PPP1R12B: variants seen among roughly 807,000 people sequenced by gnomAD.
The protein encoded by PPP1R12B is protein phosphatase 1 regulatory subunit 12B, also known as myosin phosphatase target subunit 2.
Under a neutral mutation model 126.1 loss-of-function variants are expected in PPP1R12B, and 76 were observed. The observed-to-expected ratio is 0.60, with a 90% CI of 0.50 to 0.73. The LOEUF (loss-of-function observed/expected upper bound fraction) is 0.73, where lower values mean the gene tolerates loss of function less well. Among genes scored for constraint, PPP1R12B ranks in the 30% least tolerant of loss-of-function variants. PPP1R12B has a pLI of 0.00. For missense variants in PPP1R12B, 1,052 were observed against 1,205.1 expected, an observed-to-expected ratio of 0.87 and a Z score of 1.88; for synonymous variants, 356 against 434.7, an observed-to-expected ratio of 0.82 and a Z score of 2.25.
In PPP1R12B at chr1:202,431,548, C is replaced by G. The variant is rs1249654907; in HGVS notation, c.1070C>G (p.Ser357Cys). 2 of 1,613,392 alleles carry G rather than the reference C, an allele frequency of 1.2e-6. No individual in the cohort carries two copies. The part of the protein sequence containing the change: ...SQEMEEENKE[S>C]SSSSSEEEEG... The stretch of plus-strand genomic sequence containing the variant: ...GAAATGGAGGAAGAAAATAAAGAAT[C>G]TAGTAGCTCCAGCTCAGAGGAGGAG... The change falls in exon 8 of 24, where the codon TCT (serine) becomes TGT (cysteine). Residue 357 changes from serine to cysteine, a missense_variant. By Grantham distance (112) the Ser-to-Cys change is moderately radical. Transcript: ENST00000608999.
At chr1:202,416,334 C>T (rs1171083191) in intron 1 of PPP1R12B, among the ~76,000 whole-genome samples, 3 of 152,010 alleles carry the variant, frequency 2.0e-5, no homozygotes, top group Non-Finnish European at 4.4e-5. Flanking sequence ...CGAGACAAGC[C>T]TGACCAACAT....
Position 202,425,692 on chromosome 1 carries a change from T to C in PPP1R12B, c.668T>C (p.Val223Ala), listed in dbSNP as rs747441742. ...CGCTCAGGGGCTACAGCCCTTCATG[T>C]GGCTGCTGCCAAGGGCTACTCTGAA... ...QARSGATALH[V>A]AAAKGYSEVL... Residue 223 changes from valine to alanine, a missense_variant, in exon 4 of 24, where the codon GTG (valine) becomes GCG (alanine). Val to Ala is a moderately conservative substitution (Grantham distance 64). Coordinates refer to ENST00000608999, the MANE Select transcript of PPP1R12B (RefSeq NM_002481.4). 2 of 1,613,942 alleles carry C rather than the reference T, an allele frequency of 1.2e-6. No individual in the cohort carries two copies. Among genetic ancestry groups the C allele is most frequent in the South Asian group, 1.1e-5 (1 of 91,072 alleles).
chr1:202,400,954 A>G (rs1665733364), intron 1 of PPP1R12B, among the ~76,000 whole-genome samples: 2 of 152,238 alleles, frequency 1.3e-5, no homozygotes, highest in African/African-American at 4.8e-5. Context: ...TGTACAACCT[A>G]TAAGCTAAAA....
At chr1:202,452,832 C>T (rs1381638140) in intron 13 of PPP1R12B, among the ~76,000 whole-genome samples, 3 of 142,228 alleles carry the variant, frequency 2.1e-5, no homozygotes, top group African/African-American at 5.2e-5. Flanking sequence ...CTCTCTCTCT[C>T]TTTTTTTTTT....
At chr1:202,438,338 A>T (rs1671103389) in intron 10 of PPP1R12B, 1 of 1,164,496 alleles carries the variant, frequency 8.6e-7, no homozygotes, top group Admixed American at 2.1e-5. Context: ...GGAGGGGGGC[A>T]CAGGACCCCA....
intron 13 of PPP1R12B, among the ~76,000 whole-genome samples, chr1:202,450,221 A>G (rs1672772230): frequency 3.3e-5 from 5 of 152,246 alleles, no homozygotes. Flanking sequence ...GAAGAATACC[A>G]GAAAAAGAAA....
intron 13 of PPP1R12B, among the ~76,000 whole-genome samples, chr1:202,480,455 C>T (rs1677203910): frequency 6.6e-6 from 1 of 152,150 alleles, no homozygotes; most frequent in Non-Finnish European, 1.5e-5. Flanking sequence ...TCACAGAACA[C>T]CGTTTTTACT....
chr1:202,569,154 G>T lies in PPP1R12B; in HGVS notation c.2819G>T (p.Arg940Leu). The T allele has an allele frequency of 6.2e-7, 1 of 1,613,594 alleles. No homozygotes were observed. Among genetic ancestry groups the T allele is most frequent in the East Asian group, 2.2e-5 (1 of 44,864 alleles). The change falls in exon 23 of 24, where the codon CGA becomes CTA. Residue 940 changes from arginine to leucine, a missense_variant. Transcript: ENST00000608999. ...CTCATTGTTCCGAAACAGGAGAGGC[G>T]AGCCTTGGAGCGCAAAATGTCAGAA... ...SVLEMEKRER[R>L]ALERKMSEME... is the part of the protein sequence containing the mutation.
intron 20 of PPP1R12B, 77 bp from the exon 21 acceptor site, chr1:202,564,366 G>T: frequency 9.2e-7 from 1 of 1,088,430 alleles, no homozygotes; most frequent in Admixed American, 1.9e-5. Flanking sequence ...GGGGCACAGA[G>T]CCCTGGGCAT....
chr1:202,577,320 T>G (rs192468587), intron 23 of PPP1R12B: 1 of 152,360 alleles, frequency 6.6e-6, no homozygotes, highest in East Asian at 1.9e-4. Context: ...AATTTAAATT[T>G]CAATGTCCAA....
At chr1:202,457,942 GA>G (rs567321103) in intron 13 of PPP1R12B, among the ~76,000 whole-genome samples, 5,067 of 142,710 alleles carry the variant, frequency 0.036, 111 homozygotes, top group Middle Eastern at 0.071. Flanking sequence ...TTAGATGAAG[GA>G]AAAAAAAAAA....
chr1:202,578,792 C>G (rs531340195), intron 23 of PPP1R12B, among the ~76,000 whole-genome samples: 1 of 152,118 alleles, frequency 6.6e-6, no homozygotes, highest in Admixed American at 6.6e-5. Context: ...GTTGTTCTTA[C>G]GAAAGTACAA....
intron 10 of PPP1R12B, chr1:202,438,739 G>T: frequency 1.4e-6 from 1 of 694,726 alleles, no homozygotes. Context: ...CAGACGTCGT[G>T]AGAGAACAGC....
intron 1 of PPP1R12B, among the ~76,000 whole-genome samples, chr1:202,395,131 AAAAG>A (rs1329503358): frequency 2.0e-5 from 3 of 151,586 alleles, no homozygotes; most frequent in African/African-American, 7.3e-5. Flanking sequence ...AAAAAAAAAA[AAAAG>A]AAAGAAAATC....
At chr1:202,460,887 A>T (rs1674225578) in intron 13 of PPP1R12B, among the ~76,000 whole-genome samples, 1 of 152,214 alleles carries the variant, frequency 6.6e-6, no homozygotes, top group Admixed American at 6.5e-5. Context: ...ACCAGGCTGA[A>T]TATGCCTTAC....
At chr1:202,484,861 C>T (rs1677866103) in intron 13 of PPP1R12B, among the ~76,000 whole-genome samples, 1 of 152,126 alleles carries the variant, frequency 6.6e-6, no homozygotes, top group Admixed American at 6.5e-5. Context: ...TCCAGGGGTA[C>T]AGGGCTGCTG....
chr1:202,351,813 G>A (rs995142220), intron 1 of PPP1R12B, among the ~76,000 whole-genome samples: 7 of 152,154 alleles, frequency 4.6e-5, no homozygotes, highest in Non-Finnish European at 1.0e-4. Flanking sequence ...AGATAATACT[G>A]GGGGACAATT....
At chr1:202,488,701 A>G in intron 14 of PPP1R12B, 78 bp downstream of exon 14, 4 of 1,241,048 alleles carry the variant, frequency 3.2e-6, no homozygotes, top group Non-Finnish European at 4.6e-6. Context: ...ACACTGCAAT[A>G]TCCATGTTCA....
chr1:202,497,143 G>C (rs1264811096), intron 18 of PPP1R12B, among the ~76,000 whole-genome samples: 2 of 152,236 alleles, frequency 1.3e-5, no homozygotes, highest in African/African-American at 4.8e-5. Context: ...TGAATGAAAA[G>C]TGAAGAGTGA....
Sources: gnomAD v4.1 joint callset for allele counts (sites outside exome capture counted in the v4.1 genomes callset) on GRCh38, gnomAD v4.1.1 for gene constraint, MANE v1.5 for transcripts, NCBI Gene and HGNC (gene_info 2026-07-23, HGNC 2026-07-21) for gene names.